ANKRD6: variants seen among roughly 807,000 people sequenced by gnomAD.
ANKRD6 encodes ankyrin repeat domain-containing protein 6.
A neutral mutation model predicts 82.3 loss-of-function variants in ANKRD6; 56 were observed. The observed-to-expected ratio is 0.68, with a 90% confidence interval of 0.55 to 0.85. ANKRD6 has a LOEUF of 0.85. Among genes scored for constraint, ANKRD6 ranks in the 40% least tolerant of loss-of-function variants. The probability of loss-of-function intolerance (pLI) is 0.00; values close to 1 mark genes in which losing one functional copy is unlikely to be tolerated. For synonymous variants in ANKRD6, 347 were observed against 352.1 expected (o/e 0.99, Z 0.16); for missense variants, 852 against 907.6 (o/e 0.94, Z 0.79).
intron 1 of ANKRD6, among the ~76,000 whole-genome samples, chr6:89,481,117 T>C (rs562480390): frequency 1.3e-5 from 2 of 152,202 alleles, no homozygotes; most frequent in Admixed American, 1.3e-4. Flanking sequence ...ATTTAAAAAA[T>C]ACAGTGATGC....
chr6:89,485,546 C>T (rs1777267022), intron 1 of ANKRD6, among the ~76,000 whole-genome samples: 1 of 152,182 alleles, frequency 6.6e-6, no homozygotes, highest in Non-Finnish European at 1.5e-5. Flanking sequence ...CTGCTGTAAA[C>T]AAAGGGCAGC....
chr6:89,527,601 C>CAAAAAAAAAAAAA (rs35855223), intron 1 of ANKRD6, among the ~76,000 whole-genome samples: 12 of 45,678 alleles, frequency 2.6e-4, no homozygotes, highest in African/African-American at 3.5e-4. Flanking sequence ...GACTCCGTCT[C>CAAAAAAAAAAAAA]AAAAAAAAAA....
In ANKRD6 at chr6:89,631,183, C is replaced by A. The variant is rs79928303; in HGVS notation, c.*179C>A. 1 of 1,163,388 alleles carries A rather than the reference C, an allele frequency of 8.6e-7. No individual in the cohort carries two copies. 72.1% of individuals were successfully genotyped at this position (1,163,388 alleles called of 1,614,324 possible). A position where few individuals can be genotyped will look rare whatever the true frequency, so the allele number is the denominator to read the frequency against. ...TATGCCCAGGAAGTTATGAAGACTT[C>A]AACAATTAAACTGAAACCAGGGGAA... is the stretch of plus-strand genomic sequence containing the variant. On this transcript the variant is annotated 3_prime_UTR_variant, in exon 16 of 16. Coordinates refer to ENST00000339746, the MANE Select transcript of ANKRD6 (RefSeq NM_001242809.2).
At chr6:89,470,969 A>T (rs1403911769) in intron 1 of ANKRD6, among the ~76,000 whole-genome samples, 1 of 152,050 alleles carries the variant, frequency 6.6e-6, no homozygotes, top group Non-Finnish European at 1.5e-5. Context: ...CTTTATATAT[A>T]TGTTTACATT....
chr6:89,536,852 T>C (rs780358063), intron 1 of ANKRD6, among the ~76,000 whole-genome samples: 18 of 152,188 alleles, frequency 1.2e-4, no homozygotes, highest in Non-Finnish European at 4.4e-5. Context: ...TTATGAGGGG[T>C]ACAAAGAGAC....
rs970148666 is a variant in ANKRD6 at position 89,631,569 on chromosome 6, CATG to C, written c.*569_*571del. The C allele has an allele frequency of 1.3e-5, 2 of 152,148 alleles. No individual in the cohort carries two copies. Among genetic ancestry groups the C allele is most frequent in the African/African-American group, 2.4e-5 (1 of 41,432 alleles). 9.4% of individuals were successfully genotyped at this position (152,148 alleles called of 1,614,324 possible). A position where few individuals can be genotyped will look rare whatever the true frequency, so the allele number is the denominator to read the frequency against. ...TCAGATTTTTGAGGAGAAATATTTT[CATG>C]ATGTCACAAGATCCAATATATCTTA... On this transcript the variant is annotated 3_prime_UTR_variant, in exon 16 of 16. Coordinates refer to ENST00000339746, the MANE Select transcript of ANKRD6 (RefSeq NM_001242809.2).
chr6:89,604,016 A>C (rs918613107), intron 4 of ANKRD6, among the ~76,000 whole-genome samples: 2 of 152,082 alleles, frequency 1.3e-5, no homozygotes, highest in African/African-American at 4.8e-5. Flanking sequence ...CAAATAAATA[A>C]ATAAGATTGA....
chr6:89,616,419 GCTT>G (rs1225725666), intron 7 of ANKRD6, 137 bp from the exon 8 acceptor site: 1 of 688,830 alleles, frequency 1.5e-6, no homozygotes, highest in Non-Finnish European at 2.5e-6. Flanking sequence ...GCCTCATAAC[GCTT>G]TAACAAAGGG....
chr6:89,452,363 A>T (rs1387702751), intron 1 of ANKRD6, among the ~76,000 whole-genome samples: 1 of 152,224 alleles, frequency 6.6e-6, no homozygotes, highest in Non-Finnish European at 1.5e-5. Flanking sequence ...TGGATTTTGT[A>T]TGAAAAAACA....
chr6:89,631,444 T>G lies in ANKRD6; in HGVS notation c.*440T>G, dbSNP rs1261237357. 2.0e-5 allele frequency: 3 copies of G among 153,346 alleles called. No individual in the cohort carries two copies. The highest frequency in any genetic ancestry group is 7.2e-5 in the African/African-American group (3 of 41,464). The allele number at this position is 153,346 out of a possible 1,614,324, so 9.5% of individuals were successfully genotyped here. On this transcript the variant is annotated 3_prime_UTR_variant, in exon 16 of 16. Coordinates refer to ENST00000339746, the MANE Select transcript of ANKRD6 (RefSeq NM_001242809.2). ...CACACCTGCTGTGCCTAGACAAGTG[T>G]CTTTCTGTAAGAGCTGTAACTCTGA...
At chr6:89,513,220 CT>C (rs1489542610) in intron 1 of ANKRD6, among the ~76,000 whole-genome samples, 1 of 152,110 alleles carries the variant, frequency 6.6e-6, no homozygotes, top group Non-Finnish European at 1.5e-5. Flanking sequence ...GCTGTTTTTT[CT>C]TTTAACTTTC....
At position 89,535,338 on chromosome 6, in the gene ANKRD6, A is replaced by G. The variant is rs1014172508; in HGVS notation, c.-143-31496A>G. On this transcript the variant is annotated intron_variant, in intron 1 of 15. Transcript: ENST00000339746. Reference sequence around the variant, plus strand: ...TCCAAGAATTAGCCATCCTGGGGGGAAAAATATATATTTGGTTTGAAACTC... The same window carrying G: ...TCCAAGAATTAGCCATCCTGGGGGGGAAAATATATATTTGGTTTGAAACTC... Among the ~76,000 whole-genome samples the G allele has an allele frequency of 3.9e-5, 6 of 152,266 alleles. No homozygotes were observed. In the East Asian group the frequency reaches 1.2e-3, roughly 29 times the overall value.
intron 4 of ANKRD6, among the ~76,000 whole-genome samples, chr6:89,605,448 T>G (rs958735945): frequency 5.9e-5 from 9 of 152,240 alleles, no homozygotes; most frequent in African/African-American, 2.2e-4. Flanking sequence ...CCTCAGTCCC[T>G]GTTCATTATT....
At chr6:89,623,350 A>G in intron 10 of ANKRD6, 60 bp from the exon 11 acceptor site, 1 of 1,546,708 alleles carries the variant, frequency 6.5e-7, no homozygotes, top group Non-Finnish European at 8.7e-7. Context: ...ATTTGACCAT[A>G]TTAGTGAAAA....
intron 2 of ANKRD6, among the ~76,000 whole-genome samples, chr6:89,594,503 A>G (rs1320996090): frequency 1.3e-5 from 2 of 152,160 alleles, no homozygotes; most frequent in African/African-American, 4.8e-5. Context: ...ATGTTTATAT[A>G]TATTGTCTTT....
At chr6:89,596,395 A>G (rs1161114361) in intron 3 of ANKRD6, among the ~76,000 whole-genome samples, 1 of 152,212 alleles carries the variant, frequency 6.6e-6, no homozygotes, top group Non-Finnish European at 1.5e-5. Context: ...ATGTGTGTCA[A>G]TGACCAAATT....
chr6:89,608,373 T>C (rs1193983585), intron 5 of ANKRD6, among the ~76,000 whole-genome samples: 2 of 101,754 alleles, frequency 2.0e-5, no homozygotes, highest in Non-Finnish European at 4.1e-5. Context: ...ACACACTATA[T>C]ATATATATAT....
At chr6:89,600,774 G>A (rs1043842676) in intron 3 of ANKRD6, among the ~76,000 whole-genome samples, 6 of 152,180 alleles carry the variant, frequency 3.9e-5, no homozygotes, top group South Asian at 4.2e-4. Flanking sequence ...GGTGGCTCGC[G>A]CCTGTAATCC....
At chr6:89,569,833 G>A (rs1410775454) in intron 2 of ANKRD6, among the ~76,000 whole-genome samples, 2 of 151,972 alleles carry the variant, frequency 1.3e-5, no homozygotes, top group Non-Finnish European at 2.9e-5. Context: ...AAAACTATTA[G>A]TTCAAATACT....
Sources: allele counts gnomAD v4.1 joint callset (sites outside exome capture counted in the v4.1 genomes callset), GRCh38; gene constraint gnomAD v4.1.1; transcripts MANE v1.5; gene names NCBI Gene and HGNC (gene_info 2026-07-23, HGNC 2026-07-21).